The following PEX13 variants were observed in gnomAD, a reference collection of about 807,000 sequenced individuals.
PEX13 encodes peroxisome biogenesis factor 13.
PEX13 carries 28 observed loss-of-function variants against 34.5 expected under a neutral mutation model. The observed-to-expected ratio is 0.81, with a 90% CI of 0.60 to 1.11. The LOEUF is 1.11. Ranked by LOEUF, PEX13 falls within the 50% of genes most tolerant of loss-of-function variation. The pLI is 0.00. For missense variants in PEX13, 550 were observed against 491.0 expected, an observed-to-expected ratio of 1.12 and a Z score of -1.13; for synonymous variants, 177 against 175.1, an observed-to-expected ratio of 1.01 and a Z score of -0.09.
rs180751778 is a variant in PEX13 at position 61,020,882 on chromosome 2, T to C, written c.92+3031T>C. 3.8e-3 allele frequency among the ~76,000 whole-genome samples: 575 copies of C among 152,314 alleles called. 4 individuals carry two copies. The highest frequency in any genetic ancestry group is 0.012 in the African/African-American group (496 of 41,576). ...GTTGGCCAGGCTGGTCTTGAACTCCTGACCTCAGGTGATCTGCCCACCTAG... is the reference window on the plus strand; with the variant it reads ...GTTGGCCAGGCTGGTCTTGAACTCCCGACCTCAGGTGATCTGCCCACCTAG... On this transcript the variant is annotated intron_variant, in intron 1 of 3. Transcript: ENST00000295030.
chr2:61,027,205 G>A (rs1174251180), intron 1 of PEX13, among the ~76,000 whole-genome samples: 1 of 151,396 alleles, frequency 6.6e-6, no homozygotes, highest in African/African-American at 2.4e-5. Flanking sequence ...AGGCATGGTG[G>A]TGCACGCCTG....
At chr2:61,029,574 A>T (rs190442065) in intron 1 of PEX13, among the ~76,000 whole-genome samples, 1 of 152,362 alleles carries the variant, frequency 6.6e-6, no homozygotes, top group African/African-American at 2.4e-5. Context: ...TGATGTGTGA[A>T]TAAATATAAT....
At chr2:61,045,448 C>G (rs1680690666) in intron 2 of PEX13, among the ~76,000 whole-genome samples, 1 of 152,136 alleles carries the variant, frequency 6.6e-6, no homozygotes, top group Non-Finnish European at 1.5e-5. Flanking sequence ...CTTTCAAAGT[C>G]TAAAATATTA....
intron 3 of PEX13, among the ~76,000 whole-genome samples, chr2:61,047,830 G>A (rs1432373287): frequency 6.6e-6 from 1 of 152,154 alleles, no homozygotes; most frequent in Non-Finnish European, 1.5e-5. Flanking sequence ...CAGTTAAGCA[G>A]CTTTTTAAAG....
At chr2:61,026,413 C>G (rs1274332299) in intron 1 of PEX13, among the ~76,000 whole-genome samples, 1 of 141,816 alleles carries the variant, frequency 7.1e-6, no homozygotes, top group South Asian at 2.2e-4. Flanking sequence ...GGTGCTATCT[C>G]GGCTCACCTC....
intron 2 of PEX13, among the ~76,000 whole-genome samples, chr2:61,038,731 A>G (rs994364967): frequency 1.3e-5 from 2 of 152,350 alleles, no homozygotes; most frequent in East Asian, 3.9e-4. Flanking sequence ...CTCCTATTCA[A>G]CATGGTGTTA....
In PEX13 at chr2:61,051,313, A is replaced by G. The variant is rs984253168; in HGVS notation, c.*2543A>G. 6 of 152,366 alleles carry G rather than the reference A, an allele frequency of 3.9e-5. No homozygotes were observed. The highest frequency in any genetic ancestry group is 1.4e-4 in the African/African-American group (6 of 41,462). The allele number at this position is 152,366 out of a possible 1,614,324, so 9.4% of individuals were successfully genotyped here. A position where few individuals can be genotyped will look rare whatever the true frequency, so the allele number is the denominator to read the frequency against. On this transcript the variant is annotated 3_prime_UTR_variant, in exon 4 of 4. Coordinates refer to ENST00000295030, the MANE Select transcript of PEX13 (RefSeq NM_002618.4). Reference sequence around the variant, plus strand: ...AATGTTTGATAAAACAGATTATTAAATTTGGGGTTGAGATGTCTAAATTGA... The same window carrying G: ...AATGTTTGATAAAACAGATTATTAAGTTTGGGGTTGAGATGTCTAAATTGA...
chr2:61,017,792 C>G lies in PEX13; in HGVS notation c.33C>G (p.Pro11=), dbSNP rs1680108410. MASQPPPPPK[P]WETRRIPGAG... The stretch of plus-strand genomic sequence containing the variant: ...CCCAGCCGCCACCTCCCCCCAAACC[C>G]TGGGAGACCCGCCGAATTCCGGGAG... Residue 11 remains proline (P), a synonymous_variant, in exon 1 of 4, where the codon CCC becomes CCG. Coordinates refer to ENST00000295030, the MANE Select transcript of PEX13 (RefSeq NM_002618.4). 2 of 1,550,480 alleles carry G rather than the reference C, an allele frequency of 1.3e-6. No individual in the cohort carries two copies. The highest frequency in any genetic ancestry group is 1.7e-6 in the Non-Finnish European group (2 of 1,146,918).
intron 1 of PEX13, among the ~76,000 whole-genome samples, chr2:61,020,456 G>T (rs1174520283): frequency 1.3e-5 from 2 of 151,900 alleles, no homozygotes; most frequent in Admixed American, 6.6e-5. Context: ...TGATGGTTTG[G>T]TTGAAATTCT....
chr2:61,019,900 GTTTT>G (rs1257874704), intron 1 of PEX13, among the ~76,000 whole-genome samples: 5 of 152,262 alleles, frequency 3.3e-5, no homozygotes, highest in African/African-American at 1.2e-4. Context: ...GATCAAGTAA[GTTTT>G]TATTCCATGA....
At chr2:61,028,735 T>A (rs1680401275) in intron 1 of PEX13, among the ~76,000 whole-genome samples, 1 of 151,930 alleles carries the variant, frequency 6.6e-6, no homozygotes, top group Admixed American at 6.6e-5. Context: ...CTTTAGAAGG[T>A]CAGGGATATT....
At chr2:61,019,800 C>T (rs1461409774) in intron 1 of PEX13, among the ~76,000 whole-genome samples, 2 of 152,148 alleles carry the variant, frequency 1.3e-5, no homozygotes, top group East Asian at 3.8e-4. Flanking sequence ...AGTTTCCACA[C>T]ATTGCTGTTC....
intron 1 of PEX13, among the ~76,000 whole-genome samples, chr2:61,026,507 G>A (rs960408911): frequency 4.0e-5 from 6 of 151,278 alleles, no homozygotes; most frequent in Admixed American, 6.6e-5. Flanking sequence ...ACCACCACGC[G>A]TGGCTAATTT....
Position 61,050,929 on chromosome 2 carries a change from T to A in PEX13, c.*2159T>A, listed in dbSNP as rs886056206. The stretch of plus-strand genomic sequence containing the variant: ...AGCCACCGCACCCAGCGATTTAGTA[T>A]TTTTTTCTAATAGACTATGTTCAAC... On this transcript the variant is annotated 3_prime_UTR_variant, in exon 4 of 4. Transcript: ENST00000295030. The A allele has an allele frequency of 1.3e-5, 2 of 152,380 alleles. No homozygotes were observed. Among genetic ancestry groups the A allele is most frequent in the East Asian group, 3.7e-4 (2 of 5,334 alleles). 9.4% of individuals were successfully genotyped at this position (152,380 alleles called of 1,614,324 possible).
chr2:61,034,603 C>A (rs1430199501), intron 2 of PEX13, among the ~76,000 whole-genome samples: 1 of 152,198 alleles, frequency 6.6e-6, no homozygotes, highest in Non-Finnish European at 1.5e-5. Flanking sequence ...CACTCCTGCC[C>A]AAATACAGCG....
At chr2:61,019,093 A>C (rs193257733) in intron 1 of PEX13, 5 of 152,304 alleles carry the variant, frequency 3.3e-5, no homozygotes, top group Non-Finnish European at 7.4e-5. Flanking sequence ...AGTGGTGACT[A>C]TTGTCCTTAT....
In PEX13 at chr2:61,051,857, C is replaced by T. The variant is rs1399487295; in HGVS notation, c.*3087C>T. 1.3e-5 allele frequency: 2 copies of T among 152,266 alleles called. No homozygotes were observed. The highest frequency in any genetic ancestry group is 2.9e-5 in the Non-Finnish European group (2 of 68,016). The allele number at this position is 152,266 out of a possible 1,614,324, so 9.4% of individuals were successfully genotyped here. On this transcript the variant is annotated 3_prime_UTR_variant, in exon 4 of 4. Coordinates refer to ENST00000295030, the MANE Select transcript of PEX13 (RefSeq NM_002618.4). Reference sequence around the variant, plus strand: ...TGTCTGTGTCATAATTACACATTTACTTGAACACAGCTATCCTTTATCTTG... The same window carrying T: ...TGTCTGTGTCATAATTACACATTTATTTGAACACAGCTATCCTTTATCTTG...
intron 2 of PEX13, among the ~76,000 whole-genome samples, chr2:61,045,323 G>T (rs1223604030): frequency 6.6e-6 from 1 of 152,064 alleles, no homozygotes; most frequent in Non-Finnish European, 1.5e-5. Flanking sequence ...AAATAGACCT[G>T]TATTACCAAA....
At chr2:61,044,850 A>G (rs1680681833) in intron 2 of PEX13, among the ~76,000 whole-genome samples, 1 of 152,268 alleles carries the variant, frequency 6.6e-6, no homozygotes, top group Non-Finnish European at 1.5e-5. Flanking sequence ...CACAAGCAGT[A>G]TCTCCATTCC....
Sources: allele counts gnomAD v4.1 joint callset (sites outside exome capture counted in the v4.1 genomes callset), GRCh38; gene constraint gnomAD v4.1.1; transcripts MANE v1.5; gene names NCBI Gene and HGNC (gene_info 2026-07-23, HGNC 2026-07-21).